Variants in ASTN2 observed in about 807,000 individuals in gnomAD.
The protein encoded by ASTN2 is astrotactin 2.
A neutral mutation model predicts 139.8 loss-of-function variants in ASTN2; 54 were observed. That is an observed-to-expected ratio of 0.39 (90% CI 0.31 to 0.48). The LOEUF (loss-of-function observed/expected upper bound fraction) is 0.48. Among genes scored for constraint, ASTN2 ranks in the 20% least tolerant of loss-of-function variants. ASTN2 has a pLI of 0.95. For missense variants in ASTN2, 1,565 were observed against 1,725.1 expected, an observed-to-expected ratio of 0.91 and a Z score of 1.64; for synonymous variants, 756 against 719.5, an observed-to-expected ratio of 1.05 and a Z score of -0.81.
intron 3 of ASTN2, among the ~76,000 whole-genome samples, chr9:117,207,040 C>T (rs1831950177): frequency 6.6e-6 from 1 of 151,972 alleles, no homozygotes; most frequent in Admixed American, 6.5e-5. Flanking sequence ...TGAACCTGAA[C>T]AGCCCCATCA....
intron 19 of ASTN2, among the ~76,000 whole-genome samples, chr9:116,525,138 A>G (rs949237326): frequency 1.3e-5 from 2 of 152,208 alleles, no homozygotes; most frequent in Admixed American, 1.3e-4. Context: ...TGAGGAACTT[A>G]TTGGGAACTG....
chr9:116,598,494 A>G (rs1386471948), intron 19 of ASTN2, among the ~76,000 whole-genome samples: 1 of 152,222 alleles, frequency 6.6e-6, no homozygotes, highest in Non-Finnish European at 1.5e-5. Context: ...TGCAAAATTA[A>G]TTGTGGTTTT....
chr9:117,411,147 C>T (rs1205612274), intron 1 of ASTN2, among the ~76,000 whole-genome samples: 2 of 152,086 alleles, frequency 1.3e-5, no homozygotes, highest in African/African-American at 4.8e-5. Context: ...AAAATACTTC[C>T]TCATCTGGCA....
At position 117,291,418 on chromosome 9, in the gene ASTN2, A is replaced by G; in HGVS notation, c.538T>C (p.Ser180Pro). The G allele has an allele frequency of 6.2e-7, 1 of 1,614,206 alleles. No individual in the cohort carries two copies. Among genetic ancestry groups the G allele is most frequent in the Non-Finnish European group, 8.5e-7 (1 of 1,180,030 alleles). Reference protein sequence around the residue: ...TLYFHVSMSSSGQLAQATAPT... With the variant: ...TLYFHVSMSSPGQLAQATAPT... ...GCGGTGGCTTGGGCCAGCTGCCCGG[A>G]GCTGCTCATGGAGACGTGGAAGTAC... Residue 180 changes from serine (S) to proline (P), a missense_variant, in exon 2 of 23, where the codon TCC becomes CCC. Transcript: ENST00000313400.
intron 1 of ASTN2, among the ~76,000 whole-genome samples, chr9:117,303,949 A>G (rs146937047): frequency 2.0e-5 from 3 of 152,328 alleles, no homozygotes; most frequent in Non-Finnish European, 4.4e-5. Context: ...TGCAATTGTC[A>G]TGTGAGATTA....
chr9:117,288,620 T>G (rs536301711), intron 2 of ASTN2, among the ~76,000 whole-genome samples: 2 of 152,202 alleles, frequency 1.3e-5, no homozygotes, highest in Non-Finnish European at 2.9e-5. Context: ...ATTAAACTCA[T>G]GAATCTCAGA....
At chr9:117,168,217 AATG>A (rs1002062990) in intron 3 of ASTN2, among the ~76,000 whole-genome samples, 6 of 152,130 alleles carry the variant, frequency 3.9e-5, no homozygotes, top group Admixed American at 3.9e-4. Flanking sequence ...GAGCTAAGAG[AATG>A]ATGAGAGGAA....
Position 117,263,503 on chromosome 9 carries a change from T to C in ASTN2, c.630+27823A>G, listed in dbSNP as rs542304067. Among the ~76,000 whole-genome samples, 8 of 152,346 alleles carry C rather than the reference T, an allele frequency of 5.3e-5. No homozygotes were observed. The South Asian group carries it at 1.7e-3, about 32-fold the overall frequency. On this transcript the variant is annotated intron_variant, in intron 2 of 22. Transcript: ENST00000313400. ...TTATTCCAATGCTGGATACTTTTGC[T>C]ATTATTTCTTTTAAAAATAGAACTG... is the stretch of plus-strand genomic sequence containing the variant.
At chr9:117,225,535 G>GTATGTGTATATA (rs369914209) in intron 2 of ASTN2, among the ~76,000 whole-genome samples, 3 of 63,962 alleles carry the variant, frequency 4.7e-5, no homozygotes, top group African/African-American at 8.7e-5. Flanking sequence ...CAAGCTGTAT[G>GTATGTGTATATA]TATATATATA....
intron 17 of ASTN2, among the ~76,000 whole-genome samples, chr9:116,629,047 C>T (rs1052247732): frequency 3.3e-5 from 5 of 151,880 alleles, no homozygotes; most frequent in African/African-American, 1.2e-4. Context: ...GGGCATCTCC[C>T]TGTTAGTTCC....
chr9:116,813,326 A>G (rs1186871520), intron 12 of ASTN2, among the ~76,000 whole-genome samples: 1 of 152,222 alleles, frequency 6.6e-6, no homozygotes, highest in Non-Finnish European at 1.5e-5. Context: ...CTATGTGTTT[A>G]GCTCAGAGCA....
At position 116,829,704 on chromosome 9, in the gene ASTN2, C is replaced by A. The variant is rs138397001; in HGVS notation, c.2041-8921G>T. On this transcript the variant is annotated intron_variant, in intron 11 of 22. Transcript: ENST00000313400. ...AAGGGGAAAATCTGCCCCCATGATA[C>A]AATCACCTCCTACCAAGCCCCTCCT... 3.9e-5 allele frequency among the ~76,000 whole-genome samples: 6 copies of A among 152,250 alleles called. No homozygotes were observed. The East Asian group carries it at 5.8e-4, about 15-fold the overall frequency.
chr9:117,293,565 G>C (rs1446629832), intron 1 of ASTN2, among the ~76,000 whole-genome samples: 1 of 152,176 alleles, frequency 6.6e-6, no homozygotes, highest in Non-Finnish European at 1.5e-5. Context: ...AAGGCCCTGA[G>C]AACCCATTGT....
At chr9:117,269,763 T>A (rs1834020654) in intron 2 of ASTN2, among the ~76,000 whole-genome samples, 1 of 152,208 alleles carries the variant, frequency 6.6e-6, no homozygotes, top group African/African-American at 2.4e-5. Flanking sequence ...AAACTGAGGT[T>A]TAGCAGATAT....
intron 11 of ASTN2, among the ~76,000 whole-genome samples, chr9:116,839,709 C>T (rs939718492): frequency 5.9e-5 from 9 of 151,680 alleles, no homozygotes; most frequent in East Asian, 1.9e-4. Flanking sequence ...CTCGCTCTGT[C>T]GCCCAAGCTG....
At chr9:117,050,804 G>GA (rs1838893275) in intron 5 of ASTN2, among the ~76,000 whole-genome samples, 1 of 152,060 alleles carries the variant, frequency 6.6e-6, no homozygotes, top group Non-Finnish European at 1.5e-5. Context: ...TCCTGACAGT[G>GA]ACACTGTGTC....
chr9:116,596,455 TAC>T (rs112597493), intron 19 of ASTN2, among the ~76,000 whole-genome samples: 2 of 151,602 alleles, frequency 1.3e-5, no homozygotes, highest in African/African-American at 2.4e-5. Context: ...CACACACATG[TAC>T]ACACACACAC....
At chr9:116,490,054 T>C (rs1039991238) in intron 19 of ASTN2, among the ~76,000 whole-genome samples, 2 of 151,554 alleles carry the variant, frequency 1.3e-5, no homozygotes, top group African/African-American at 4.8e-5. Flanking sequence ...GTCTACAGAG[T>C]AAAGCCAAGG....
intron 3 of ASTN2, among the ~76,000 whole-genome samples, chr9:117,176,940 A>T (rs1334376253): frequency 1.3e-5 from 2 of 152,194 alleles, no homozygotes; most frequent in Non-Finnish European, 2.9e-5. Flanking sequence ...ATAAAGAATT[A>T]ATACATACAA....
Sources: allele counts gnomAD v4.1 joint callset (sites outside exome capture counted in the v4.1 genomes callset), GRCh38; gene constraint gnomAD v4.1.1; transcripts MANE v1.5; gene names NCBI Gene and HGNC (gene_info 2026-07-23, HGNC 2026-07-21).